Variants in RYR2 observed in about 807,000 individuals in gnomAD.
RYR2 encodes cardiac muscle ryanodine receptor-calcium release channel.
RYR2 carries 227 observed loss-of-function variants against 601.1 expected under a neutral mutation model. The observed-to-expected ratio is 0.38, with a 90% CI of 0.34 to 0.42. The LOEUF (loss-of-function observed/expected upper bound fraction) is 0.42, where lower values mean the gene tolerates loss of function less well. Ranked by LOEUF, RYR2 falls within the 10% of genes least tolerant of loss-of-function variation. The probability of loss-of-function intolerance (pLI) is 1.00; values close to 1 mark genes in which losing one functional copy is unlikely to be tolerated. For synonymous variants in RYR2, 2,223 were observed against 2,175.1 expected (o/e 1.02, Z -0.61); for missense variants, 4,646 against 6,156.5 (o/e 0.75, Z 8.21).
intron 1 of RYR2, among the ~76,000 whole-genome samples, chr1:237,257,652 G>A (rs929097123): frequency 7.9e-5 from 12 of 152,130 alleles, no homozygotes; most frequent in Admixed American, 3.3e-4. Context: ...TGCAGTGTGC[G>A]TGCTTCTGTT....
chr1:237,691,741 G>C (rs1376832980), intron 63 of RYR2, among the ~76,000 whole-genome samples: 2 of 152,116 alleles, frequency 1.3e-5, no homozygotes, highest in Non-Finnish European at 2.9e-5. Flanking sequence ...GAATGAAAAA[G>C]AAAGAAAATA....
At chr1:237,170,824 A>T (rs542587839) in intron 1 of RYR2, among the ~76,000 whole-genome samples, 1 of 152,112 alleles carries the variant, frequency 6.6e-6, no homozygotes, top group African/African-American at 2.4e-5. Context: ...TGGAAAACAG[A>T]ATATGTGTAG....
rs765904546 is a variant in RYR2, at chr1:237,832,686, CCT to C, written c.*47_*48del. 3.0e-5 allele frequency: 32 copies of C among 1,073,818 alleles called. 2 individuals carry two copies. The Admixed American group carries it at 5.0e-4, about 17-fold the overall frequency. The allele number at this position is 1,073,818 out of a possible 1,614,324, so 66.5% of individuals were successfully genotyped here. ...CACCTCTAAAAACCAAAACCCTACC[CCT>C]CTCTCTCCCTCTCTCAATTTCTCTG... On this transcript the variant is annotated 3_prime_UTR_variant, in exon 105 of 105. Coordinates refer to ENST00000366574, the MANE Select transcript of RYR2 (RefSeq NM_001035.3).
chr1:237,741,204 AG>A (rs1300546804), intron 79 of RYR2, among the ~76,000 whole-genome samples: 1 of 152,200 alleles, frequency 6.6e-6, no homozygotes, highest in Non-Finnish European at 1.5e-5. Flanking sequence ...ATAAACAGAA[AG>A]GGTAGTATAT....
At chr1:237,631,154 G>C (rs1680204166) in intron 41 of RYR2, among the ~76,000 whole-genome samples, 1 of 152,130 alleles carries the variant, frequency 6.6e-6, no homozygotes, top group African/African-American at 2.4e-5. Context: ...AATTAGGAAT[G>C]ATGTGTCCAA....
intron 22 of RYR2, among the ~76,000 whole-genome samples, chr1:237,504,595 A>G (rs2150501988): frequency 6.6e-6 from 1 of 152,324 alleles, no homozygotes; most frequent in East Asian, 1.9e-4. Context: ...GAGGCCTGAC[A>G]ATACTTTTAA....
intron 1 of RYR2, among the ~76,000 whole-genome samples, chr1:237,204,772 G>A (rs1344940955): frequency 6.6e-6 from 1 of 152,180 alleles, no homozygotes; most frequent in Non-Finnish European, 1.5e-5. Context: ...TAAGTCAGAG[G>A]AGATTCAACA....
chr1:237,321,546 G>C (rs1695630458), intron 2 of RYR2, among the ~76,000 whole-genome samples: 1 of 152,206 alleles, frequency 6.6e-6, no homozygotes, highest in South Asian at 2.1e-4. Context: ...ATGTCATTGA[G>C]TGATAACAGA....
chr1:237,540,427 G>A (rs149915000), intron 25 of RYR2, among the ~76,000 whole-genome samples: 3 of 151,752 alleles, frequency 2.0e-5, no homozygotes, highest in African/African-American at 7.2e-5. Flanking sequence ...GCCTATTAGG[G>A]CTGAGCACGG....
intron 1 of RYR2, among the ~76,000 whole-genome samples, chr1:237,144,736 A>G (rs975947854): frequency 2.0e-5 from 3 of 152,172 alleles, no homozygotes; most frequent in African/African-American, 7.2e-5. Context: ...TGGAGACTCT[A>G]TCATATTCCT....
chr1:237,816,806 C>T (rs1661893531), intron 100 of RYR2, among the ~76,000 whole-genome samples: 1 of 152,096 alleles, frequency 6.6e-6, no homozygotes, highest in Non-Finnish European at 1.5e-5. Flanking sequence ...TTCCCCTTCT[C>T]ACAGATTCAC....
At chr1:237,372,475 T>G (rs1700717889) in intron 6 of RYR2, among the ~76,000 whole-genome samples, 1 of 152,242 alleles carries the variant, frequency 6.6e-6, no homozygotes, top group Non-Finnish European at 1.5e-5. Context: ...TATCTACCAT[T>G]GCTAACTAAC....
intron 24 of RYR2, among the ~76,000 whole-genome samples, chr1:237,513,465 G>T (rs530290753): frequency 1.3e-5 from 2 of 152,194 alleles, no homozygotes; most frequent in East Asian, 3.9e-4. Flanking sequence ...AATTTAAACC[G>T]CATTTCAAAT....
At chr1:237,559,949 T>G (rs1357429327) in intron 27 of RYR2, among the ~76,000 whole-genome samples, 1 of 152,224 alleles carries the variant, frequency 6.6e-6, no homozygotes, top group Non-Finnish European at 1.5e-5. Flanking sequence ...CAGAGACTTC[T>G]TTAAATGCCT....
rs192879654 is a variant in RYR2, at chr1:237,744,426, C to T, written c.11145+2077C>T. ...ATCCCAGCACTTTGGGAGGCTGAGG[C>T]GGGTGGATCACTTGAGATCAGGAGT... is the stretch of plus-strand genomic sequence containing the variant. On this transcript the variant is annotated intron_variant, in intron 80 of 104. Coordinates refer to ENST00000366574, the MANE Select transcript of RYR2 (RefSeq NM_001035.3). 1.3e-3 allele frequency among the ~76,000 whole-genome samples: 204 copies of T among 151,130 alleles called. 1 individual carries two copies. Among genetic ancestry groups the T allele is most frequent in the African/African-American group, 4.8e-3 (196 of 41,210 alleles).
intron 38 of RYR2, among the ~76,000 whole-genome samples, chr1:237,622,128 T>C (rs2148638547): frequency 6.6e-6 from 1 of 152,126 alleles, no homozygotes; most frequent in South Asian, 2.1e-4. Context: ...GGAAAAAAAA[T>C]CACATAAATG....
chr1:237,219,178 AT>A (rs1205985101), intron 1 of RYR2, among the ~76,000 whole-genome samples: 3 of 151,362 alleles, frequency 2.0e-5, no homozygotes, highest in East Asian at 1.9e-4. Context: ...CGCCCAGCTA[AT>A]TTTTTTCTTT....
Position 237,566,661 on chromosome 1 carries a change from T to C in RYR2, c.3309T>C (p.Phe1103=), listed in dbSNP as rs755543101. 1 of 1,613,978 alleles carries C rather than the reference T, an allele frequency of 6.2e-7. No individual in the cohort carries two copies. Among genetic ancestry groups the C allele is most frequent in the Non-Finnish European group, 8.5e-7 (1 of 1,179,876 alleles). ...CAGTGAAGGCCGGACGGTGGTATTT[T>C]GAATTTGAGACGGTCACTGCTGGAG... The part of the protein sequence containing the change: ...TYAVKAGRWY[F]EFETVTAGDM... The change falls in exon 28 of 105, where the codon TTT becomes TTC. Residue 1103 remains phenylalanine, a synonymous_variant. Transcript: ENST00000366574.
intron 1 of RYR2, among the ~76,000 whole-genome samples, chr1:237,193,165 T>TGCAAAAAAA (rs1402978522): frequency 3.6e-4 from 1 of 2,750 alleles, no homozygotes; most frequent in African/African-American, 6.2e-4. Flanking sequence ...CTGCTAAAAG[T>TGCAAAAAAA]ACAAAAAAAA....
Sources: gnomAD v4.1 joint callset for allele counts (sites outside exome capture counted in the v4.1 genomes callset) on GRCh38, gnomAD v4.1.1 for gene constraint, MANE v1.5 for transcripts, NCBI Gene and HGNC (gene_info 2026-07-23, HGNC 2026-07-21) for gene names.